Variants in KDM6B observed in about 807,000 individuals in gnomAD.
The protein encoded by KDM6B is lysine-specific demethylase 6B.
A neutral mutation model predicts 150.4 loss-of-function variants in KDM6B; 22 were observed. The observed-to-expected ratio is 0.15, with a 90% CI of 0.10 to 0.21. The LOEUF (loss-of-function observed/expected upper bound fraction) is 0.21, where lower values mean the gene tolerates loss of function less well. Among genes scored for constraint, KDM6B ranks in the 10% least tolerant of loss-of-function variants. KDM6B has a pLI of 1.00. For missense variants in KDM6B, 1,984 were observed against 2,234.3 expected, an observed-to-expected ratio of 0.89 and a Z score of 2.26; for synonymous variants, 1,148 against 921.1, an observed-to-expected ratio of 1.25 and a Z score of -4.46.
At chr17:7,841,295 C>G (rs1040654972) in intron 2 of KDM6B, among the ~76,000 whole-genome samples, 1 of 152,170 alleles carries the variant, frequency 6.6e-6, no homozygotes, top group African/African-American at 2.4e-5. Flanking sequence ...TGGGACAGAA[C>G]TTGATTGAAG....
intron 1 of KDM6B, among the ~76,000 whole-genome samples, chr17:7,835,575 C>G (rs1420874410): frequency 1.3e-5 from 2 of 152,128 alleles, no homozygotes; most frequent in African/African-American, 4.8e-5. Context: ...GATTCCCGAA[C>G]TCTCCCGTCC....
At chr17:7,846,371 G>GGGGGGGCC in intron 7 of KDM6B, 29 bp from the exon 8 acceptor site, 2 of 1,488,894 alleles carry the variant, frequency 1.3e-6, no homozygotes, top group Non-Finnish European at 1.8e-6. Context: ...CCTGACATCT[G>GGGGGGGCC]CCCCTGCCCC....
intron 21 of KDM6B, 92 bp downstream of exon 21, chr17:7,852,728 C>G (rs2078724277): frequency 1.3e-6 from 2 of 1,547,722 alleles, no homozygotes; most frequent in Non-Finnish European, 8.9e-7. Context: ...TTACCTCTCT[C>G]CATCCTTGTC....
intron 14 of KDM6B, 144 bp from the exon 15 acceptor site, chr17:7,850,877 C>T: frequency 1.3e-6 from 1 of 753,630 alleles, no homozygotes; most frequent in Non-Finnish European, 2.3e-6. Context: ...GCTAGGGCTC[C>T]TGCCTATTTC....
chr17:7,841,205 A>C (rs1345141975), intron 2 of KDM6B, among the ~76,000 whole-genome samples: 2 of 152,342 alleles, frequency 1.3e-5, no homozygotes, highest in South Asian at 2.1e-4. Flanking sequence ...GGCATGTAAC[A>C]AATATTCACA....
Position 7,849,439 on chromosome 17 carries a change from G to A in KDM6B, c.3151G>A (p.Ala1051Thr), listed in dbSNP as rs551045331. Residue 1051 changes from alanine to threonine, a missense_variant, in exon 12 of 24, where the codon GCC becomes ACC. Physicochemically the swap from Ala to Thr is moderately conservative, Grantham distance 58 (BLOSUM62 0). Transcript: ENST00000448097. ...ASKAKPPTAP[A>T]PPSAPAPSAQ... ...CAAGGCCAAGCCACCCACAGCTCCAGCCCCTCCATCAGCTCCTGCACCTTC... is the reference window on the plus strand; with the variant it reads ...CAAGGCCAAGCCACCCACAGCTCCAACCCCTCCATCAGCTCCTGCACCTTC... 8.1e-6 allele frequency: 13 copies of A among 1,612,438 alleles called. 1 individual carries two copies. In the East Asian group the frequency reaches 2.7e-4, roughly 33 times the overall value.
rs772241542 is a variant in KDM6B, at chr17:7,853,377, G to A, written c.4905G>A (p.Thr1635=). The change falls in exon 23 of 24, where the codon ACG becomes ACA. Residue 1635 remains threonine (T), a synonymous_variant. Transcript: ENST00000448097. ...EELAQAYDAF[T]LAPASTSR is the part of the protein sequence containing the mutation. ...TGGCTCAGGCCTACGACGCCTTCAC[G>A]CTGGTGAGGGCCCGGCGGGCGCGCG... The A allele has an allele frequency of 6.5e-7, 1 of 1,546,866 alleles. No individual in the cohort carries two copies. The highest frequency in any genetic ancestry group is 8.7e-7 in the Non-Finnish European group (1 of 1,150,266).
At position 7,847,972 on chromosome 17, in the gene KDM6B, A is replaced by T; in HGVS notation, c.1684A>T (p.Ser562Cys). The change falls in exon 12 of 24, where the codon AGC (serine) becomes TGC (cysteine). Residue 562 changes from serine to cysteine, a missense_variant. Transcript: ENST00000448097. Reference sequence around the variant, plus strand: ...TAGCAACAGCAACAGTGGCAGCCACAGCAGCAGCCCTGCTGGGCCTGTGTC... The same window carrying T: ...TAGCAACAGCAACAGTGGCAGCCACTGCAGCAGCCCTGCTGGGCCTGTGTC... ...SSSNSNSGSH[S>C]SSPAGPVSFP... 1 of 1,609,238 alleles carries T rather than the reference A, an allele frequency of 6.2e-7. No individual in the cohort carries two copies. Among genetic ancestry groups the T allele is most frequent in the Non-Finnish European group, 8.5e-7 (1 of 1,178,820 alleles).
At chr17:7,846,371 G>GGGGCGGGGCCGGGGGCCC in intron 7 of KDM6B, 29 bp from the exon 8 acceptor site, 2 of 1,488,916 alleles carry the variant, frequency 1.3e-6, no homozygotes, top group Non-Finnish European at 1.8e-6. Context: ...CCTGACATCT[G>GGGGCGGGGCCGGGGGCCC]CCCCTGCCCC....
intron 1 of KDM6B, among the ~76,000 whole-genome samples, chr17:7,836,852 T>C (rs62059712): frequency 0.05 from 7,583 of 152,174 alleles, 266 homozygotes; most frequent in Non-Finnish European, 0.08. Flanking sequence ...GTGTTAGAGG[T>C]GGCCTGGGAT....
intron 1 of KDM6B, among the ~76,000 whole-genome samples, chr17:7,836,373 C>T (rs966495747): frequency 1.1e-4 from 17 of 152,232 alleles, no homozygotes; most frequent in African/African-American, 3.9e-4. Flanking sequence ...ATAACTCTTC[C>T]TCTCGCCGTG....
intron 2 of KDM6B, among the ~76,000 whole-genome samples, chr17:7,841,445 G>A (rs1014936150): frequency 1.5e-4 from 23 of 152,202 alleles, no homozygotes; most frequent in Non-Finnish European, 2.8e-4. Flanking sequence ...TAACATGAAG[G>A]CAAACACAGA....
chr17:7,848,721 G>A lies in KDM6B; in HGVS notation c.2433G>A (p.Leu811=). The change falls in exon 12 of 24, where the codon CTG becomes CTA. Residue 811 remains leucine (L), a synonymous_variant. Transcript: ENST00000448097. The part of the protein sequence containing the change: ...ASLLKSLASV[L]EGQKYCYRGT... The stretch of plus-strand genomic sequence containing the variant: ...TGCTCAAATCCTTGGCCTCCGTGCT[G>A]GAGGGACAAAAGTACTGTTATCGGG... 8.1e-6 allele frequency: 13 copies of A among 1,612,750 alleles called. No homozygotes were observed. Among genetic ancestry groups the A allele is most frequent in the Non-Finnish European group, 1.1e-5 (13 of 1,179,966 alleles).
Position 7,847,036 on chromosome 17 carries a change from C to G in KDM6B, c.909+20C>G. ...CGCCAGGTGAGCCCCTGCCTGTTGC[C>G]TTTCACCTCTCACCTACAAGTCCCA... On this transcript the variant is annotated intron_variant, in intron 10 of 23. Transcript: ENST00000448097. The G allele has an allele frequency of 6.2e-7, 1 of 1,612,108 alleles. No individual in the cohort carries two copies. The highest frequency in any genetic ancestry group is 8.5e-7 in the Non-Finnish European group (1 of 1,178,518).
At chr17:7,841,383 G>C (rs887881736) in intron 2 of KDM6B, among the ~76,000 whole-genome samples, 1 of 152,224 alleles carries the variant, frequency 6.6e-6, no homozygotes, top group Admixed American at 6.5e-5. Context: ...GAGGAGTGTA[G>C]CAAGGAGTCA....
chr17:7,846,703 C>T lies in KDM6B; in HGVS notation c.674C>T (p.Pro225Leu), dbSNP rs2078547372. Residue 225 changes from proline to leucine, a missense_variant, in exon 9 of 24, where the codon CCT (proline) becomes CTT (leucine). Coordinates refer to ENST00000448097, the MANE Select transcript of KDM6B (RefSeq NM_001348716.2). ...SGPSGEEGLSPGGKRRRGCNS... is the reference protein window; with the variant it reads ...SGPSGEEGLSLGGKRRRGCNS... ...CCCTCAGGGGAGGAGGGCCTCAGCC[C>T]TGGAGGCAAGCGAAGGAGAGGCTGC... 1 of 1,614,142 alleles carries T rather than the reference C, an allele frequency of 6.2e-7. No homozygotes were observed. The highest frequency in any genetic ancestry group is 1.1e-5 in the South Asian group (1 of 91,088).
chr17:7,837,501 C>T (rs2151367730), intron 1 of KDM6B, among the ~76,000 whole-genome samples: 1 of 152,292 alleles, frequency 6.6e-6, no homozygotes, highest in East Asian at 1.9e-4. Context: ...TATTAAGTCC[C>T]AGGGTTGGTG....
intron 1 of KDM6B, among the ~76,000 whole-genome samples, chr17:7,839,554 G>GT (rs754237960): frequency 1.2e-4 from 18 of 152,168 alleles, no homozygotes; most frequent in Non-Finnish European, 2.4e-4. Flanking sequence ...GCATGCCCTG[G>GT]TGCTAGGACT....
At chr17:7,842,117 G>A (rs1463204828) in intron 2 of KDM6B, among the ~76,000 whole-genome samples, 1 of 152,220 alleles carries the variant, frequency 6.6e-6, no homozygotes, top group Non-Finnish European at 1.5e-5. Flanking sequence ...CTTACCACGC[G>A]TCCCGCGCGG....
Sources: gnomAD v4.1 joint callset for allele counts (sites outside exome capture counted in the v4.1 genomes callset) on GRCh38, gnomAD v4.1.1 for gene constraint, MANE v1.5 for transcripts, NCBI Gene and HGNC (gene_info 2026-07-23, HGNC 2026-07-21) for gene names.